The following SHISA9 variants were observed in gnomAD, a reference collection of about 807,000 sequenced individuals.
SHISA9 encodes the protein protein shisa-9.
In SHISA9, 13 loss-of-function variants were observed where a neutral mutation model predicts 38.0. That is an observed-to-expected ratio of 0.34 (90% confidence interval 0.22 to 0.54). SHISA9 has a LOEUF of 0.54. Ranked by LOEUF, SHISA9 falls within the 20% of genes least tolerant of loss-of-function variation. The pLI, the probability that SHISA9 is intolerant of heterozygous loss-of-function variation, is 0.91. For synonymous variants in SHISA9, 275 were observed against 242.0 expected (o/e 1.14, Z -1.27); for missense variants, 538 against 575.8 (o/e 0.93, Z 0.67).
the SHISA9 span, among the ~76,000 whole-genome samples, chr16:13,491,736 C>G: frequency 6.6e-6 from 1 of 150,964 alleles, no homozygotes; most frequent in Admixed American, 6.6e-5. Context: ...GAGATCCACC[C>G]GCCTCGACCT....
the SHISA9 span, among the ~76,000 whole-genome samples, chr16:13,456,619 G>T: frequency 0.54 from 82,660 of 152,096 alleles, 23,325 homozygotes; most frequent in East Asian, 0.9. Flanking sequence ...GTCTTTGTTT[G>T]CCTGAGGGTC....
chr16:13,402,512 C>CTTTT, the SHISA9 span, among the ~76,000 whole-genome samples: 4 of 125,292 alleles, frequency 3.2e-5, no homozygotes, highest in Admixed American at 8.0e-5. Context: ...AGAGGGTGGT[C>CTTTT]TTTTTTTTTT....
At chr16:13,069,938 G>T (rs1253402599) in intron 2 of SHISA9, among the ~76,000 whole-genome samples, 2 of 152,022 alleles carry the variant, frequency 1.3e-5, no homozygotes, top group Non-Finnish European at 2.9e-5. Context: ...CTTTAATCTT[G>T]GTCTTCCCGG....
intron 2 of SHISA9, among the ~76,000 whole-genome samples, chr16:13,073,652 G>T (rs1442159256): frequency 6.6e-6 from 1 of 152,182 alleles, no homozygotes; most frequent in Middle Eastern, 3.2e-3. Context: ...TGGACAAAGA[G>T]ATCTTTGAAG....
intron 2 of SHISA9, among the ~76,000 whole-genome samples, chr16:13,093,964 C>T (rs1340810486): frequency 6.6e-6 from 1 of 152,132 alleles, no homozygotes; most frequent in African/African-American, 2.4e-5. Context: ...GCCTTTCCCA[C>T]CATTCTGCCT....
Position 13,236,753 on chromosome 16 carries a change from C to G in SHISA9, c.*1344C>G, listed in dbSNP as rs1238801912. 1 of 152,134 alleles carries G rather than the reference C, an allele frequency of 6.6e-6. No individual in the cohort carries two copies. The highest frequency in any genetic ancestry group is 2.4e-5 in the African/African-American group (1 of 41,420). The allele number at this position is 152,134 out of a possible 1,614,324, so 9.4% of individuals were successfully genotyped here. On this transcript the variant is annotated 3_prime_UTR_variant, in exon 5 of 5. Coordinates refer to ENST00000558583, the MANE Select transcript of SHISA9 (RefSeq NM_001145204.3). The stretch of plus-strand genomic sequence containing the variant: ...GGGGTACCCAAGAACGAAGACCTCC[C>G]TACTCTCTACACTATCAAAATTAGT...
the SHISA9 span, among the ~76,000 whole-genome samples, chr16:13,365,454 C>CTTTTTT: frequency 1.1e-4 from 12 of 112,506 alleles, no homozygotes; most frequent in African/African-American, 4.1e-4. Flanking sequence ...GAGTATACCT[C>CTTTTTT]TTTTTTTTTT....
At chr16:12,965,542 T>A (rs1050865024) in intron 2 of SHISA9, among the ~76,000 whole-genome samples, 8 of 152,190 alleles carry the variant, frequency 5.3e-5, no homozygotes, top group Non-Finnish European at 1.0e-4. Flanking sequence ...TGGAATCAGA[T>A]GAACAAACCC....
At chr16:12,941,615 C>A (rs2071612613) in intron 2 of SHISA9, among the ~76,000 whole-genome samples, 1 of 152,110 alleles carries the variant, frequency 6.6e-6, no homozygotes, top group Non-Finnish European at 1.5e-5. Context: ...TCCTAGCACT[C>A]TGGGAGGCTG....
the SHISA9 span, among the ~76,000 whole-genome samples, chr16:13,513,757 G>A: frequency 1.8e-4 from 28 of 152,170 alleles, no homozygotes; most frequent in African/African-American, 6.5e-4. Flanking sequence ...AACACTGCAA[G>A]TTGTTGCTCA....
the SHISA9 span, among the ~76,000 whole-genome samples, chr16:13,493,160 C>A: frequency 2.0e-5 from 3 of 151,922 alleles, no homozygotes; most frequent in African/African-American, 4.9e-5. Flanking sequence ...GATGAATGAG[C>A]TGAGATAATG....
chr16:13,004,698 G>A (rs1260348123), intron 2 of SHISA9, among the ~76,000 whole-genome samples: 4 of 151,920 alleles, frequency 2.6e-5, no homozygotes, highest in African/African-American at 4.8e-5. Context: ...GCCAAGGTGG[G>A]CAGATCACCT....
intron 2 of SHISA9, among the ~76,000 whole-genome samples, chr16:12,965,928 CAG>C (rs760929951): frequency 2.0e-5 from 3 of 152,168 alleles, no homozygotes; most frequent in Non-Finnish European, 2.9e-5. Flanking sequence ...AATAGAAGAA[CAG>C]GGGACATTTT....
At chr16:13,211,178 C>A (rs571862409) in intron 3 of SHISA9, among the ~76,000 whole-genome samples, 1 of 152,012 alleles carries the variant, frequency 6.6e-6, no homozygotes, top group African/African-American at 2.4e-5. Flanking sequence ...TCGCCTATAA[C>A]CTCACCTACT....
At chr16:13,415,334 A>G in the SHISA9 span, among the ~76,000 whole-genome samples, 43 of 152,300 alleles carry the variant, frequency 2.8e-4, no homozygotes, top group Admixed American at 1.7e-3. Flanking sequence ...TAACACAGGG[A>G]CAAAAAACCA....
the SHISA9 span, among the ~76,000 whole-genome samples, chr16:13,263,696 A>G: frequency 6.6e-6 from 1 of 152,212 alleles, no homozygotes; most frequent in Non-Finnish European, 1.5e-5. Flanking sequence ...AGTCAGGGAC[A>G]TATAATTCCT....
chr16:13,525,676 A>G, the SHISA9 span, among the ~76,000 whole-genome samples: 1 of 152,274 alleles, frequency 6.6e-6, no homozygotes, highest in African/African-American at 2.4e-5. Context: ...CTACTTTATT[A>G]TAAGAAATAT....
chr16:13,414,032 C>G, the SHISA9 span, among the ~76,000 whole-genome samples: 1 of 152,094 alleles, frequency 6.6e-6, no homozygotes, highest in South Asian at 2.1e-4. Context: ...TTCCCAAATC[C>G]CACCACTTGA....
intron 2 of SHISA9, among the ~76,000 whole-genome samples, chr16:13,089,555 T>A (rs1299573294): frequency 1.3e-5 from 2 of 152,244 alleles, no homozygotes; most frequent in Non-Finnish European, 2.9e-5. Context: ...AAGGAATTTA[T>A]CCATTTCTTC....
Sources: gnomAD v4.1 joint callset for allele counts (sites outside exome capture counted in the v4.1 genomes callset) on GRCh38, gnomAD v4.1.1 for gene constraint, MANE v1.5 for transcripts, NCBI Gene and HGNC (gene_info 2026-07-23, HGNC 2026-07-21) for gene names.